MEGF8: variants seen among roughly 807,000 people sequenced by gnomAD.
MEGF8 encodes multiple EGF like domains 8.
A neutral mutation model predicts 302.9 loss-of-function variants in MEGF8; 156 were observed. The observed-to-expected ratio is 0.52, with a 90% confidence interval of 0.45 to 0.59. The LOEUF (loss-of-function observed/expected upper bound fraction) is 0.59. Among genes scored for constraint, MEGF8 ranks in the 20% least tolerant of loss-of-function variants. The probability of loss-of-function intolerance (pLI) is 0.00; values close to 1 mark genes in which losing one functional copy is unlikely to be tolerated. For synonymous variants in MEGF8, 1,621 were observed against 1,660.5 expected (o/e 0.98, Z 0.58); for missense variants, 3,345 against 3,964.5 (o/e 0.84, Z 4.20).
chr19:42,343,172 A>G (rs958193824), intron 8 of MEGF8, among the ~76,000 whole-genome samples: 1 of 152,210 alleles, frequency 6.6e-6, no homozygotes, highest in African/African-American at 2.4e-5. Context: ...AGAGAAGTTC[A>G]GTCTCCTGTC....
In MEGF8 at chr19:42,351,274, G is replaced by A. The variant is rs1275986175; in HGVS notation, c.2795G>A (p.Arg932Gln). 8.3e-6 allele frequency: 13 copies of A among 1,572,104 alleles called. No homozygotes were observed. Among genetic ancestry groups the A allele is most frequent in the South Asian group, 4.7e-5 (4 of 85,776 alleles). ...TSRKGDAACS[R>Q]RGRGRGALKS... ...CGCAAAGGGGACGCGGCATGCAGCC[G>A]GCGGGGCCGGGGTCGGGGTGCCCTG... Residue 932 changes from arginine (R) to glutamine (Q), a missense_variant, in exon 16 of 42, where the codon CGG becomes CAG. By Grantham distance (43) the Arg-to-Gln change is conservative. Coordinates refer to ENST00000251268, the MANE Select transcript of MEGF8 (RefSeq NM_001271938.2). The surrounding 1 kb of genome is among the most constrained non-coding windows in gnomAD (Gnocchi z 5.6).
At chr19:42,366,139 G>A (rs540290637) in intron 35 of MEGF8, among the ~76,000 whole-genome samples, 5 of 152,280 alleles carry the variant, frequency 3.3e-5, no homozygotes, top group East Asian at 1.9e-4. Flanking sequence ...CATAATAGGC[G>A]TGCAGGTGAT....
chr19:42,375,637 G>A lies in MEGF8; in HGVS notation c.7400G>A (p.Arg2467His), dbSNP rs757739507. Residue 2467 changes from arginine (R) to histidine (H), a missense_variant, in exon 42 of 42, where the codon CGC becomes CAC. Transcript: ENST00000251268. This position sits in a 1 kb window ranked among gnomAD's most constrained non-coding sequence, Gnocchi z 7.1. ...SQTNCFHEPK[R>H]RALGPGRTVL... is the part of the protein sequence containing the mutation. ...ACCAACTGCTTCCATGAGCCCAAACGCCGGGCGCTAGGCCCCGGCCGCACT... is the reference window on the plus strand; with the variant it reads ...ACCAACTGCTTCCATGAGCCCAAACACCGGGCGCTAGGCCCCGGCCGCACT... 8.8e-5 allele frequency: 142 copies of A among 1,608,746 alleles called. No homozygotes were observed. Among genetic ancestry groups the A allele is most frequent in the Non-Finnish European group, 1.2e-4 (139 of 1,178,218 alleles).
rs2039459985 is a variant in MEGF8, at chr19:42,356,857, A to T, written c.4706A>T (p.His1569Leu). The change falls in exon 27 of 42, where the codon CAT becomes CTT. Residue 1569 changes from histidine to leucine, a missense_variant. Coordinates refer to ENST00000251268, the MANE Select transcript of MEGF8 (RefSeq NM_001271938.2). This position sits in a 1 kb window ranked among gnomAD's most constrained non-coding sequence, Gnocchi z 5.2. ...GGPGPSPRSF[H>L]AAAYVPAGRG... is the part of the protein sequence containing the mutation. ...CCAGGCCCATCGCCCCGCTCCTTCC[A>T]TGCAGCCGCATATGTGCCCGCTGGC... is the stretch of plus-strand genomic sequence containing the variant. 1 of 1,584,112 alleles carries T rather than the reference A, an allele frequency of 6.3e-7. No homozygotes were observed. The highest frequency in any genetic ancestry group is 1.2e-5 in the South Asian group (1 of 86,390).
At chr19:42,360,032 T>G (rs2039508855) in intron 31 of MEGF8, among the ~76,000 whole-genome samples, 1 of 151,896 alleles carries the variant, frequency 6.6e-6, no homozygotes, top group Non-Finnish European at 1.5e-5. Context: ...TTCATGTCTG[T>G]GTCTCTCAGT....
In MEGF8 at chr19:42,375,423, A is replaced by G; in HGVS notation, c.7270-84A>G. The stretch of plus-strand genomic sequence containing the variant: ...GGGCAATGGCTACTTAGCAGTGGGT[A>G]TAGAGTATTCGTCACTGCTGCTTGG... On this transcript the variant is annotated intron_variant, in intron 41 of 41. Coordinates refer to ENST00000251268, the MANE Select transcript of MEGF8 (RefSeq NM_001271938.2). This position sits in a 1 kb window ranked among gnomAD's most constrained non-coding sequence, Gnocchi z 7.1. The G allele has an allele frequency of 3.0e-6, 4 of 1,324,282 alleles. No homozygotes were observed. Among genetic ancestry groups the G allele is most frequent in the Non-Finnish European group, 4.1e-6 (4 of 978,612 alleles). The allele number at this position is 1,324,282 out of a possible 1,614,324, so 82.0% of individuals were successfully genotyped here.
At chr19:42,342,549 A>G (rs1235876308) in intron 8 of MEGF8, among the ~76,000 whole-genome samples, 1 of 151,948 alleles carries the variant, frequency 6.6e-6, no homozygotes, top group Non-Finnish European at 1.5e-5. Flanking sequence ...AGGCAGGAGA[A>G]TGGTGTGAAC....
At position 42,353,717 on chromosome 19, in the gene MEGF8, G is replaced by T. The variant is rs370513838; in HGVS notation, c.3761+42G>T. ...GCCAGGGCTGGGTAGGGTGTGCTTGGGGACACAGTGGGGAGGGTCAGGACT... is the reference window on the plus strand; with the variant it reads ...GCCAGGGCTGGGTAGGGTGTGCTTGTGGACACAGTGGGGAGGGTCAGGACT... On this transcript the variant is annotated intron_variant, in intron 21 of 41. Coordinates refer to ENST00000251268, the MANE Select transcript of MEGF8 (RefSeq NM_001271938.2). This position sits in a 1 kb window ranked among gnomAD's most constrained non-coding sequence, Gnocchi z 6.1. 7.2e-5 allele frequency: 114 copies of T among 1,572,684 alleles called. No individual in the cohort carries two copies. Among genetic ancestry groups the T allele is most frequent in the Admixed American group, 1.4e-4 (8 of 57,810 alleles).
intron 40 of MEGF8, among the ~76,000 whole-genome samples, chr19:42,371,134 C>T (rs1201324744): frequency 1.3e-5 from 2 of 152,052 alleles, no homozygotes; most frequent in Non-Finnish European, 1.5e-5. Flanking sequence ...CCATCTCCTT[C>T]TTTCTGAGTG....
Position 42,375,714 on chromosome 19 carries a change from C to G in MEGF8, c.7477C>G (p.Leu2493Val). ...KFTNVDIRLTLDVTFGAVDLY... is the reference protein window; with the variant it reads ...KFTNVDIRLTVDVTFGAVDLY... Reference sequence around the variant, plus strand: ...CACCAACGTGGACATCCGCCTGACGCTGGACGTGACCTTCGGGGCCGTGGA... The same window carrying G: ...CACCAACGTGGACATCCGCCTGACGGTGGACGTGACCTTCGGGGCCGTGGA... The change falls in exon 42 of 42, where the codon CTG becomes GTG. Residue 2493 changes from leucine to valine, a missense_variant. Leu to Val is a conservative substitution (Grantham distance 32). Transcript: ENST00000251268. The surrounding 1 kb of genome is among the most constrained non-coding windows in gnomAD (Gnocchi z 7.1). The G allele has an allele frequency of 6.2e-7, 1 of 1,611,820 alleles. No individual in the cohort carries two copies. Among genetic ancestry groups the G allele is most frequent in the Non-Finnish European group, 8.5e-7 (1 of 1,179,292 alleles).
At chr19:42,339,910 T>G (rs1396221656) in intron 8 of MEGF8, among the ~76,000 whole-genome samples, 1 of 152,090 alleles carries the variant, frequency 6.6e-6, no homozygotes, top group Non-Finnish European at 1.5e-5. Context: ...TACAAAAAAT[T>G]AGCTAGTCAT....
rs1600074829 is a variant in MEGF8, at chr19:42,369,596, A to C, written c.6707A>C (p.Asp2236Ala). The change falls in exon 38 of 42, where the codon GAC (aspartate) becomes GCC (alanine). Residue 2236 changes from aspartate to alanine, a missense_variant. Asp to Ala is a moderately radical substitution (Grantham distance 126). Transcript: ENST00000251268. The surrounding 1 kb of genome is among the most constrained non-coding windows in gnomAD (Gnocchi z 5.7). ...GCVNGSCVEP[D>A]HCRCHFGFVG... ...GTGAACGGCTCATGTGTGGAGCCCG[A>C]CCACTGCCGCTGCCACTTTGGCTTT... is the stretch of plus-strand genomic sequence containing the variant. 6.2e-7 allele frequency: 1 copy of C among 1,612,466 alleles called. No individual in the cohort carries two copies. The highest frequency in any genetic ancestry group is 1.1e-5 in the South Asian group (1 of 91,054).
rs769888956 is a variant in MEGF8 at position 42,353,258 on chromosome 19, G to A, written c.3550+131G>A. ...GCTCTAGGTCCCCTGCCCCATTCCTGTTCCTGACTCAAACAGGTTTCAGTG... is the reference window on the plus strand; with the variant it reads ...GCTCTAGGTCCCCTGCCCCATTCCTATTCCTGACTCAAACAGGTTTCAGTG... On this transcript the variant is annotated intron_variant, in intron 20 of 41. Transcript: ENST00000251268. The surrounding 1 kb of genome is among the most constrained non-coding windows in gnomAD (Gnocchi z 6.1). The A allele has an allele frequency of 2.6e-4, 277 of 1,052,942 alleles. No individual in the cohort carries two copies. Among genetic ancestry groups the A allele is most frequent in the Non-Finnish European group, 3.6e-4 (269 of 741,926 alleles). The allele number at this position is 1,052,942 out of a possible 1,614,324, so 65.2% of individuals were successfully genotyped here.
intron 12 of MEGF8, among the ~76,000 whole-genome samples, chr19:42,347,993 A>C (rs999912878): frequency 2.0e-4 from 31 of 152,290 alleles, no homozygotes; most frequent in African/African-American, 7.5e-4. Flanking sequence ...ATAAGAAGAC[A>C]CTGAAGTGTC....
intron 1 of MEGF8, among the ~76,000 whole-genome samples, chr19:42,329,914 T>G (rs2039034241): frequency 6.6e-6 from 1 of 151,892 alleles, no homozygotes; most frequent in African/African-American, 2.4e-5. Flanking sequence ...ACCTACTAAC[T>G]TTTGTATTAT....
At chr19:42,345,509 T>C (rs1025228255) in intron 12 of MEGF8, among the ~76,000 whole-genome samples, 20 of 152,358 alleles carry the variant, frequency 1.3e-4, no homozygotes, top group South Asian at 1.0e-3. Flanking sequence ...TTGCCAGTTC[T>C]GGACATTTCA....
In MEGF8 at chr19:42,369,555, G is replaced by A. The variant is rs1568576208; in HGVS notation, c.6666G>A (p.Val2222=). 19 of 1,610,178 alleles carry A rather than the reference G, an allele frequency of 1.2e-5. No individual in the cohort carries two copies. The highest frequency in any genetic ancestry group is 1.9e-4 in the Middle Eastern group (1 of 5,208). The change falls in exon 38 of 42, where the codon GTG becomes GTA. Residue 2222 remains valine (V), a synonymous_variant. Transcript: ENST00000251268. This position sits in a 1 kb window ranked among gnomAD's most constrained non-coding sequence, Gnocchi z 5.7. ...GCATGACAGGGCTGTGCCGCCCTGT[G>A]TGCGCCCAGGGCTGCGTGAACGGCT... ...MDNMTGLCRP[V]CAQGCVNGSC...
chr19:42,344,739 T>C lies in MEGF8; in HGVS notation c.2003T>C (p.Val668Ala). Residue 668 changes from valine (V) to alanine (A), a missense_variant, in exon 12 of 42, where the codon GTC becomes GCC. Transcript: ENST00000251268. The surrounding 1 kb of genome is among the most constrained non-coding windows in gnomAD (Gnocchi z 4.5). ...TGGTGGGGGCCTGCGCCTGTCTTCG[T>C]CACGTCCCTGGAGGCCTGCGTCACC... ...VGWWGPAPVF[V>A]TSLEACVTQS... The C allele has an allele frequency of 1.9e-6, 3 of 1,612,300 alleles. No homozygotes were observed. Among genetic ancestry groups the C allele is most frequent in the Non-Finnish European group, 2.5e-6 (3 of 1,178,948 alleles).
rs1202737065 is a variant in MEGF8 at position 42,376,652 on chromosome 19, A to G, written c.8415A>G (p.Thr2805=). Residue 2805 remains threonine, a synonymous_variant, in exon 42 of 42, where the codon ACA becomes ACG. Coordinates refer to ENST00000251268, the MANE Select transcript of MEGF8 (RefSeq NM_001271938.2). The surrounding 1 kb of genome is among the most constrained non-coding windows in gnomAD (Gnocchi z 8.2). ...NGACLGSALV[T]LRHRLHEYCG... is the part of the protein sequence containing the mutation. ...CCTGCCTGGGGTCAGCCCTCGTCAC[A>G]CTGCGGCACAGGCTGCACGAGTACT... is the stretch of plus-strand genomic sequence containing the variant. The G allele has an allele frequency of 6.0e-5, 93 of 1,537,804 alleles. No individual in the cohort carries two copies. Among genetic ancestry groups the G allele is most frequent in the Non-Finnish European group, 7.9e-5 (90 of 1,143,676 alleles).
Sources: allele counts gnomAD v4.1 joint callset (sites outside exome capture counted in the v4.1 genomes callset), GRCh38; gene constraint gnomAD v4.1.1; non-coding constraint Gnocchi (gnomAD v3.1); transcripts MANE v1.5; gene names NCBI Gene and HGNC (gene_info 2026-07-23, HGNC 2026-07-21).